The following PCDH15 variants were observed in gnomAD, a reference collection of about 807,000 sequenced individuals.
The protein encoded by PCDH15 is protocadherin related 15, also known as protocadherin-15.
A neutral mutation model predicts 178.5 loss-of-function variants in PCDH15; 129 were observed. The ratio of observed to expected loss-of-function variants is 0.72; its 90% confidence interval spans 0.63 to 0.84. The LOEUF is 0.84. PCDH15 is among the 40% of genes least tolerant of loss of function. PCDH15 has a pLI of 0.00. For synonymous variants in PCDH15, 800 were observed against 732.0 expected, an observed-to-expected ratio of 1.09 and a Z score of -1.50; for missense variants, 2,230 against 2,099.9, an observed-to-expected ratio of 1.06 and a Z score of -1.21.
chr10:54,522,186 AT>A (rs2082952835), intron 3 of PCDH15, among the ~76,000 whole-genome samples: 1 of 151,888 alleles, frequency 6.6e-6, no homozygotes, highest in African/African-American at 2.4e-5. Flanking sequence ...ATGCGCTGCT[AT>A]GACATTGAGT....
At chr10:54,978,488 G>A (rs1249514185) in intron 2 of PCDH15, among the ~76,000 whole-genome samples, 1 of 152,046 alleles carries the variant, frequency 6.6e-6, no homozygotes, top group South Asian at 2.1e-4. Context: ...GTGCCTATTT[G>A]CATAAGAACT....
At chr10:53,844,152 G>A (rs181016349) in intron 28 of PCDH15, among the ~76,000 whole-genome samples, 30 of 152,172 alleles carry the variant, frequency 2.0e-4, no homozygotes, top group Non-Finnish European at 5.9e-5. Flanking sequence ...AGCAGATCAC[G>A]TGGGGACTTT....
rs558845295 is a variant in PCDH15 at position 55,394,933 on chromosome 10, C to G, written c.-155-228282G>C. Among the ~76,000 whole-genome samples the G allele has an allele frequency of 1.4e-4, 21 of 152,018 alleles. No individual in the cohort carries two copies. In the East Asian group the frequency reaches 3.9e-3, roughly 28 times the overall value. On this transcript the variant is annotated intron_variant, in intron 2 of 5. Coordinates refer to the PCDH15 transcript ENST00000613346. ...TCAACCATATACTTGCTTCCTGCAC[C>G]AAATTCTAAAACAAATCACTTCCTT... is the stretch of plus-strand genomic sequence containing the variant.
intron 2 of PCDH15, among the ~76,000 whole-genome samples, chr10:55,432,407 T>C (rs1008705724): frequency 2.6e-5 from 4 of 152,194 alleles, no homozygotes; most frequent in African/African-American, 9.7e-5. Context: ...GAGTGGAGGA[T>C]TGATATTTTC....
At chr10:55,493,761 G>A (rs540316463) in intron 2 of PCDH15, among the ~76,000 whole-genome samples, 1 of 151,930 alleles carries the variant, frequency 6.6e-6, no homozygotes, top group South Asian at 2.1e-4. Context: ...TATGTTGGAG[G>A]AAATTCTTCA....
intron 1 of PCDH15, among the ~76,000 whole-genome samples, chr10:55,186,650 T>A (rs1442603092): frequency 6.6e-6 from 1 of 151,734 alleles, no homozygotes; most frequent in South Asian, 2.1e-4. Flanking sequence ...CTTACATTTT[T>A]AAAAAATCTA....
At chr10:54,184,131 T>G (rs975368022) in intron 12 of PCDH15, among the ~76,000 whole-genome samples, 30 of 152,256 alleles carry the variant, frequency 2.0e-4, no homozygotes, top group Non-Finnish European at 3.5e-4. Context: ...TGTTATACTT[T>G]ATCAATGTTG....
rs569668606 is a variant in PCDH15 at position 55,213,718 on chromosome 10, ATTC to A, written c.-155-47070_-155-47068del. ...TGGTCAATTTCACAAAAACTTTCTC[ATTC>A]TTCTTAATGTTTACAATACAAAAAC... On this transcript the variant is annotated intron_variant, in intron 1 of 5. Transcript: ENST00000458638. Among the ~76,000 whole-genome samples, 315 of 151,644 alleles carry A rather than the reference ATTC, an allele frequency of 2.1e-3. 3 individuals carry two copies. The highest frequency in any genetic ancestry group is 7.1e-3 in the African/African-American group (295 of 41,358).
chr10:55,289,364 A>T (rs1842952691), intron 1 of PCDH15, among the ~76,000 whole-genome samples: 1 of 151,870 alleles, frequency 6.6e-6, no homozygotes, highest in Admixed American at 6.6e-5. Flanking sequence ...AGAAGGCAGG[A>T]AGGGAAAAAA....
chr10:54,763,374 A>T (rs1447910912), intron 1 of PCDH15, among the ~76,000 whole-genome samples: 1 of 152,170 alleles, frequency 6.6e-6, no homozygotes, highest in Non-Finnish European at 1.5e-5. Context: ...TCAAATTTCA[A>T]TAAGGGTAGA....
At chr10:54,950,037 G>C (rs1564656947) in intron 2 of PCDH15, among the ~76,000 whole-genome samples, 1 of 151,942 alleles carries the variant, frequency 6.6e-6, no homozygotes, top group Non-Finnish European at 1.5e-5. Flanking sequence ...AAGTTCCAAA[G>C]TTGCTTCCAC....
intron 2 of PCDH15, among the ~76,000 whole-genome samples, chr10:55,626,140 A>G (rs1837522546): frequency 6.6e-6 from 1 of 151,536 alleles, no homozygotes; most frequent in Non-Finnish European, 1.5e-5. Flanking sequence ...AGCAAGAGAG[A>G]GAGAAAGAGA....
intron 1 of PCDH15, among the ~76,000 whole-genome samples, chr10:54,730,844 T>C (rs1943233580): frequency 6.6e-6 from 1 of 151,438 alleles, no homozygotes; most frequent in African/African-American, 2.4e-5. Flanking sequence ...CTGGTCTATG[T>C]AAAGAGTTTT....
chr10:55,049,585 G>A (rs1841107051), intron 2 of PCDH15, among the ~76,000 whole-genome samples: 1 of 151,938 alleles, frequency 6.6e-6, no homozygotes. Context: ...TCTTTCATAT[G>A]TTAATTTATT....
rs567368999 is a variant in PCDH15, at chr10:54,757,778, A to G, written c.-29+43147T>C. ...AAGGGCTCCTTTCCTTAGTAATTGC[A>G]ATTATGAATTTAGGTTGAGTTGTCA... On this transcript the variant is annotated intron_variant, in intron 1 of 37. Coordinates refer to ENST00000644397, the MANE Select transcript of PCDH15 (RefSeq NM_001384140.1). 5.3e-5 allele frequency among the ~76,000 whole-genome samples: 8 copies of G among 152,316 alleles called. No individual in the cohort carries two copies. The South Asian group carries it at 1.2e-3, about 24-fold the overall frequency.
intron 1 of PCDH15, among the ~76,000 whole-genome samples, chr10:55,174,436 G>A (rs891591958): frequency 1.3e-5 from 2 of 152,194 alleles, no homozygotes; most frequent in African/African-American, 4.8e-5. Flanking sequence ...TAAACTGCAG[G>A]ACAGAGAAGC....
chr10:54,906,683 C>T (rs972742084), intron 2 of PCDH15, among the ~76,000 whole-genome samples: 4 of 152,062 alleles, frequency 2.6e-5, no homozygotes, highest in African/African-American at 9.7e-5. Flanking sequence ...GAGTGCCCAA[C>T]ATTTTGCAAA....
intron 9 of PCDH15, among the ~76,000 whole-genome samples, chr10:54,236,113 A>G (rs1181448268): frequency 1.1e-4 from 17 of 152,168 alleles, no homozygotes; most frequent in African/African-American, 4.1e-4. Flanking sequence ...GCACACTTCA[A>G]AAGAAGCCCT....
At chr10:53,988,245 T>C (rs1428359655) in intron 21 of PCDH15, among the ~76,000 whole-genome samples, 2 of 152,120 alleles carry the variant, frequency 1.3e-5, no homozygotes, top group African/African-American at 2.4e-5. Flanking sequence ...CCCCTCAGCA[T>C]TAGGTTTCAT....
Sources: allele counts gnomAD v4.1 joint callset (sites outside exome capture counted in the v4.1 genomes callset), GRCh38; gene constraint gnomAD v4.1.1; transcripts MANE v1.5; gene names NCBI Gene and HGNC (gene_info 2026-07-23, HGNC 2026-07-21).